The following SLIRP variants were observed in gnomAD, a reference collection of about 807,000 sequenced individuals.
The protein encoded by SLIRP is SRA stem-loop-interacting RNA-binding protein, mitochondrial.
A neutral mutation model predicts 13.4 loss-of-function variants in SLIRP; 12 were observed. The ratio of observed to expected loss-of-function variants is 0.89; its 90% CI spans 0.57 to 1.45. SLIRP has a LOEUF of 1.45. Ranked by LOEUF, SLIRP falls within the 40% of genes most tolerant of loss-of-function variation. The pLI, the probability that SLIRP is intolerant of heterozygous loss-of-function variation, is 0.00. For missense variants in SLIRP, 154 were observed against 132.2 expected, an observed-to-expected ratio of 1.17 and a Z score of -0.81; for synonymous variants, 55 against 47.1, an observed-to-expected ratio of 1.17 and a Z score of -0.69.
At chr14:77,716,665 TGGG>T (rs370221657) in intron 3 of SLIRP, among the ~76,000 whole-genome samples, 9 of 114,152 alleles carry the variant, frequency 7.9e-5, no homozygotes, top group East Asian at 2.7e-4. Context: ...AAAAAAAAAA[TGGG>T]GGGTGGTAGA....
chr14:77,709,858 T>C (rs1595063802), intron 1 of SLIRP, among the ~76,000 whole-genome samples: 1 of 152,316 alleles, frequency 6.6e-6, no homozygotes, highest in East Asian at 1.9e-4. Context: ...AAATTTAGTC[T>C]CTGTGGATTG....
intron 1 of SLIRP, among the ~76,000 whole-genome samples, chr14:77,708,411 C>T (rs1366719100): frequency 2.0e-5 from 3 of 152,220 alleles, no homozygotes; most frequent in Middle Eastern, 6.3e-3. Flanking sequence ...AATGCACCGG[C>T]TCTTGCCTTT....
At chr14:77,709,550 A>G (rs1404883424) in intron 1 of SLIRP, among the ~76,000 whole-genome samples, 3 of 152,200 alleles carry the variant, frequency 2.0e-5, no homozygotes, top group African/African-American at 4.8e-5. Context: ...AGTCAGCATT[A>G]TGTACAGCTT....
At chr14:77,709,638 T>C (rs1459319041) in intron 1 of SLIRP, among the ~76,000 whole-genome samples, 1 of 152,250 alleles carries the variant, frequency 6.6e-6, no homozygotes, top group Non-Finnish European at 1.5e-5. Flanking sequence ...GGCATTGTTC[T>C]TGGTGCTTGC....
chr14:77,710,281 G>A (rs2080429993), intron 1 of SLIRP, among the ~76,000 whole-genome samples: 1 of 152,202 alleles, frequency 6.6e-6, no homozygotes, highest in East Asian at 1.9e-4. Flanking sequence ...TTAGCCAGGG[G>A]GAGATAGGAT....
intron 2 of SLIRP, among the ~76,000 whole-genome samples, chr14:77,711,377 A>G (rs978209908): frequency 2.0e-5 from 3 of 152,032 alleles, no homozygotes; most frequent in South Asian, 2.1e-4. Flanking sequence ...GTCCCCCTGC[A>G]GGGGTGCAGT....
At chr14:77,716,140 C>T in intron 3 of SLIRP, 3 of 244,748 alleles carry the variant, frequency 1.2e-5, no homozygotes, top group Non-Finnish European at 2.4e-5. Context: ...CACGGTGAAA[C>T]CCCGTCTCTA....
chr14:77,712,777 T>C (rs761847424), intron 2 of SLIRP, among the ~76,000 whole-genome samples: 4 of 152,174 alleles, frequency 2.6e-5, no homozygotes, highest in Non-Finnish European at 5.9e-5. Context: ...GACTGAGGTC[T>C]GTTTTCTTGT....
intron 2 of SLIRP, among the ~76,000 whole-genome samples, chr14:77,713,319 T>C (rs2080454607): frequency 6.6e-6 from 1 of 152,216 alleles, no homozygotes; most frequent in Non-Finnish European, 1.5e-5. Flanking sequence ...TAGGGTGTGA[T>C]GTGAGTACAT....
At chr14:77,714,692 G>T (rs777886891) in intron 2 of SLIRP, among the ~76,000 whole-genome samples, 4 of 152,198 alleles carry the variant, frequency 2.6e-5, no homozygotes, top group African/African-American at 4.8e-5. Flanking sequence ...TACAATGAAT[G>T]GATCATTGGG....
At chr14:77,712,693 G>T (rs528428491) in intron 2 of SLIRP, among the ~76,000 whole-genome samples, 1 of 152,092 alleles carries the variant, frequency 6.6e-6, no homozygotes, top group South Asian at 2.1e-4. Flanking sequence ...TGACCCGCCC[G>T]CCTGGGCTTC....
intron 1 of SLIRP, 197 bp from the exon 2 acceptor site, chr14:77,710,641 T>G: frequency 6.6e-7 from 1 of 1,525,792 alleles, no homozygotes; most frequent in Non-Finnish European, 8.8e-7. Context: ...CAACAACTTC[T>G]CTGTCCATCT....
At chr14:77,714,862 A>G (rs72685293) in intron 2 of SLIRP, among the ~76,000 whole-genome samples, 25,387 of 152,160 alleles carry the variant, frequency 0.17, 2,437 homozygotes, top group Non-Finnish European at 0.22. Context: ...AGACATCTTA[A>G]TATCTGTTTT....
Position 77,715,849 on chromosome 14 carries a change from A to G in SLIRP, c.234A>G (p.Gln78=), listed in dbSNP as rs776409704. Residue 78 remains glutamine (Q), a synonymous_variant, in exon 3 of 4, where the codon CAA becomes CAG. Transcript: ENST00000557342. ...SSEEGLRNAL[Q]QENHIIDGVK... ...AAGAAGGACTTCGGAATGCACTACA[A>G]CAGGAAAATCATATTATAGATGGAG... 6.2e-7 allele frequency: 1 copy of G among 1,614,078 alleles called. No homozygotes were observed. Among genetic ancestry groups the G allele is most frequent in the Non-Finnish European group, 8.5e-7 (1 of 1,179,938 alleles).
chr14:77,713,292 T>A (rs2080454480), intron 2 of SLIRP, among the ~76,000 whole-genome samples: 1 of 152,228 alleles, frequency 6.6e-6, no homozygotes. Context: ...TGGGCTGTAT[T>A]TTTCTGTGGG....
At chr14:77,709,331 T>C (rs1438312366) in intron 1 of SLIRP, among the ~76,000 whole-genome samples, 1 of 152,224 alleles carries the variant, frequency 6.6e-6, no homozygotes, top group African/African-American at 2.4e-5. Flanking sequence ...TAGTTTCTTC[T>C]AAGTTTTTAG....
At chr14:77,715,930 T>G in intron 3 of SLIRP, 51 bp downstream of exon 3, 1 of 1,296,228 alleles carries the variant, frequency 7.7e-7, no homozygotes. Flanking sequence ...GTAGGTACTA[T>G]TTAATTATGT....
chr14:77,708,137 C>G lies in SLIRP; in HGVS notation c.26C>G (p.Ala9Gly). 1 of 1,613,934 alleles carries G rather than the reference C, an allele frequency of 6.2e-7. No homozygotes were observed. Among genetic ancestry groups the G allele is most frequent in the Non-Finnish European group, 8.5e-7 (1 of 1,179,842 alleles). The change falls in exon 1 of 4, where the codon GCT becomes GGT. Residue 9 changes from alanine to glycine, a missense_variant. By Grantham distance (60) the Ala-to-Gly change is moderately conservative. Transcript: ENST00000557342. ...ATGGCGGCCTCAGCAGCGAGAGGTGCTGCGGCGCTGCGTAGAAGTATCAAT... is the reference window on the plus strand; with the variant it reads ...ATGGCGGCCTCAGCAGCGAGAGGTGGTGCGGCGCTGCGTAGAAGTATCAAT... MAASAARGAAALRRSINQP... is the reference protein window; with the variant it reads MAASAARGGAALRRSINQP...
intron 2 of SLIRP, chr14:77,711,649 A>G (rs927990461): frequency 5.3e-5 from 8 of 152,344 alleles, no homozygotes; most frequent in East Asian, 1.9e-4. Flanking sequence ...TCTGCCTCCC[A>G]GGCTTAGGTG....
Sources: allele counts gnomAD v4.1 joint callset (sites outside exome capture counted in the v4.1 genomes callset), GRCh38; gene constraint gnomAD v4.1.1; transcripts MANE v1.5; gene names NCBI Gene and HGNC (gene_info 2026-07-23, HGNC 2026-07-21).